The following PSD3 variants were observed in gnomAD, a reference collection of about 807,000 sequenced individuals.
PSD3 encodes the protein pleckstrin and Sec7 domain containing 3.
Under a neutral mutation model 105.5 loss-of-function variants are expected in PSD3, and 49 were observed. The ratio of observed to expected loss-of-function variants is 0.46; its 90% confidence interval spans 0.37 to 0.59. The LOEUF (loss-of-function observed/expected upper bound fraction) is 0.59. PSD3 is among the 20% of genes least tolerant of loss of function. The pLI is 0.00. For synonymous variants in PSD3, 557 were observed against 457.8 expected (o/e 1.22, Z -2.77); for missense variants, 1,561 against 1,263.8 (o/e 1.24, Z -3.57).
intron 4 of PSD3, among the ~76,000 whole-genome samples, chr8:18,866,256 C>T (rs1816926913): frequency 6.6e-6 from 1 of 152,194 alleles, no homozygotes; most frequent in Non-Finnish European, 1.5e-5. Context: ...CACCGCCTCA[C>T]GGGGACACTG....
At chr8:18,591,772 T>A (rs546873301) in intron 12 of PSD3, among the ~76,000 whole-genome samples, 89 of 152,300 alleles carry the variant, frequency 5.8e-4, no homozygotes, top group Admixed American at 4.7e-3. Flanking sequence ...AGGGAACTGA[T>A]GGCATACACT....
intron 1 of PSD3, among the ~76,000 whole-genome samples, chr8:18,966,564 G>A: frequency 1.1e-5 from 1 of 93,002 alleles, no homozygotes; most frequent in Non-Finnish European, 2.3e-5. Context: ...GAGAGAGACT[G>A]TCTTAAAAAA....
chr8:18,603,157 C>T (rs1000587264), intron 11 of PSD3, among the ~76,000 whole-genome samples: 1 of 152,206 alleles, frequency 6.6e-6, no homozygotes, highest in African/African-American at 2.4e-5. Context: ...GTGAGCCCAT[C>T]TTTTCACTGC....
At chr8:18,956,516 G>A (rs142523495) in intron 1 of PSD3, among the ~76,000 whole-genome samples, 5 of 152,132 alleles carry the variant, frequency 3.3e-5, no homozygotes, top group Admixed American at 3.3e-4. Flanking sequence ...TATTTAGTTG[G>A]TAGTCAATTT....
chr8:18,642,214 C>T (rs1807699967), intron 10 of PSD3, among the ~76,000 whole-genome samples: 1 of 152,230 alleles, frequency 6.6e-6, no homozygotes, highest in South Asian at 2.1e-4. Context: ...TCTGAAAATA[C>T]ACTGGGGTCA....
intron 2 of PSD3, among the ~76,000 whole-genome samples, chr8:18,916,953 C>T (rs957608908): frequency 1.7e-4 from 26 of 151,974 alleles, no homozygotes; most frequent in African/African-American, 5.6e-4. Flanking sequence ...AATCTCTTCC[C>T]TCTAGCCCAG....
intron 8 of PSD3, among the ~76,000 whole-genome samples, chr8:18,779,226 A>C (rs1444969963): frequency 6.6e-6 from 1 of 151,994 alleles, no homozygotes; most frequent in Non-Finnish European, 1.5e-5. Flanking sequence ...CGTAGGTTCC[A>C]ATTTGTTCAG....
chr8:18,652,907 G>C (rs73213642), intron 10 of PSD3, among the ~76,000 whole-genome samples: 21,313 of 151,998 alleles, frequency 0.14, 1,970 homozygotes, highest in African/African-American at 0.27. Context: ...GGTGCTTTAA[G>C]ACAAAAATAA....
intron 1 of PSD3, among the ~76,000 whole-genome samples, chr8:18,977,791 T>C (rs1196384547): frequency 6.6e-6 from 1 of 152,218 alleles, no homozygotes; most frequent in Non-Finnish European, 1.5e-5. Flanking sequence ...AAATTATTTA[T>C]ATTTTCTTCT....
chr8:19,037,876 C>T (rs571093785), intron 1 of PSD3, among the ~76,000 whole-genome samples: 1 of 150,586 alleles, frequency 6.6e-6, no homozygotes, highest in Non-Finnish European at 1.5e-5. Flanking sequence ...AAGACAATTC[C>T]CATAATAAAT....
At chr8:18,970,458 G>C (rs766157241) in intron 1 of PSD3, among the ~76,000 whole-genome samples, 2 of 151,502 alleles carry the variant, frequency 1.3e-5, no homozygotes, top group African/African-American at 2.4e-5. Context: ...CTAAAGGTCT[G>C]GAAAAACTTC....
chr8:18,824,823 G>A (rs544474443), intron 4 of PSD3, among the ~76,000 whole-genome samples: 11 of 152,214 alleles, frequency 7.2e-5, no homozygotes, highest in South Asian at 2.1e-4. Context: ...ATAACACACA[G>A]TACTTCAGCC....
chr8:18,737,235 A>G (rs1804219048), intron 9 of PSD3, among the ~76,000 whole-genome samples: 1 of 152,202 alleles, frequency 6.6e-6, no homozygotes, highest in African/African-American at 2.4e-5. Context: ...GAAACACTGC[A>G]TTAGTTCACA....
chr8:18,726,616 T>C (rs560841359), intron 9 of PSD3, among the ~76,000 whole-genome samples: 8 of 152,186 alleles, frequency 5.3e-5, no homozygotes, highest in South Asian at 2.1e-4. Context: ...AATTCTATCT[T>C]CTCATCTCAG....
At chr8:18,774,492 C>A (rs1347831736) in intron 8 of PSD3, 1 of 232,264 alleles carries the variant, frequency 4.3e-6, no homozygotes, top group South Asian at 6.2e-5. Flanking sequence ...ATTTTTGTGC[C>A]CATTAACCTA....
At chr8:18,633,963 C>A (rs921361399) in intron 10 of PSD3, among the ~76,000 whole-genome samples, 1 of 151,586 alleles carries the variant, frequency 6.6e-6, no homozygotes, top group Non-Finnish European at 1.5e-5. Context: ...GCCATTCTGA[C>A]TGGTGTCAGA....
intron 9 of PSD3, among the ~76,000 whole-genome samples, chr8:18,666,919 C>T (rs1171917557): frequency 6.6e-6 from 1 of 152,094 alleles, no homozygotes; most frequent in Non-Finnish European, 1.5e-5. Context: ...ACTGACTTCC[C>T]TCGCGGTCAG....
chr8:18,749,051 A>C (rs1411685500), intron 9 of PSD3, among the ~76,000 whole-genome samples: 1 of 152,168 alleles, frequency 6.6e-6, no homozygotes, highest in East Asian at 1.9e-4. Flanking sequence ...ACACCACACA[A>C]CTGTCTTAGT....
intron 1 of PSD3, among the ~76,000 whole-genome samples, chr8:19,073,385 T>C (rs1829335827): frequency 6.6e-6 from 1 of 151,772 alleles, no homozygotes; most frequent in African/African-American, 2.4e-5. Flanking sequence ...AGCCCATCTC[T>C]ACCAATAATA....
Sources: allele counts gnomAD v4.1 joint callset (sites outside exome capture counted in the v4.1 genomes callset), GRCh38; gene constraint gnomAD v4.1.1; transcripts MANE v1.5; gene names NCBI Gene and HGNC (gene_info 2026-07-23, HGNC 2026-07-21).